NALF1: variants seen among roughly 807,000 people sequenced by gnomAD.
The protein encoded by NALF1 is NALCN channel auxiliary factor 1.
NALF1 carries 3 observed loss-of-function variants against 48.4 expected under a neutral mutation model. That is an observed-to-expected ratio of 0.06 (90% CI 0.03 to 0.16). NALF1 has a LOEUF of 0.16. Ranked by LOEUF, NALF1 falls within the 10% of genes least tolerant of loss-of-function variation. The pLI, the probability that NALF1 is intolerant of heterozygous loss-of-function variation, is 1.00. For synonymous variants in NALF1, 262 were observed against 245.7 expected, an observed-to-expected ratio of 1.07 and a Z score of -0.62; for missense variants, 526 against 571.5, an observed-to-expected ratio of 0.92 and a Z score of 0.81.
intron 1 of NALF1, among the ~76,000 whole-genome samples, chr13:107,575,162 A>ATAAATGGGTCATTTGG (rs777005951): frequency 9.4e-4 from 143 of 152,272 alleles, no homozygotes; most frequent in Non-Finnish European, 1.6e-3. Flanking sequence ...ACAGACTTAG[A>ATAAATGGGTCATTTGG]TAAATGGGTC....
chr13:107,457,676 A>G lies in NALF1; in HGVS notation c.916-246921T>C, dbSNP rs539743518. On this transcript the variant is annotated intron_variant, in intron 1 of 2. Transcript: ENST00000375915. Reference sequence around the variant, plus strand: ...TTTATTGATGAAGGCTAAATGGCCAATTGAAGACAAACACATGGAAATTAA... The same window carrying G: ...TTTATTGATGAAGGCTAAATGGCCAGTTGAAGACAAACACATGGAAATTAA... 1.3e-4 allele frequency among the ~76,000 whole-genome samples: 18 copies of G among 143,930 alleles called. No individual in the cohort carries two copies. In the East Asian group the frequency reaches 3.1e-3, roughly 25 times the overall value. The allele number at this position is 143,930 out of a possible 152,430, so 94.4% of individuals were successfully genotyped here.
At chr13:107,252,327 G>T (rs1029412126) in intron 1 of NALF1, among the ~76,000 whole-genome samples, 1 of 152,062 alleles carries the variant, frequency 6.6e-6, no homozygotes, top group Non-Finnish European at 1.5e-5. Context: ...AACGTGGAGA[G>T]TTGCTTCTCC....
At chr13:107,796,664 G>T (rs1039862054) in intron 1 of NALF1, among the ~76,000 whole-genome samples, 2 of 152,050 alleles carry the variant, frequency 1.3e-5, no homozygotes, top group Middle Eastern at 3.2e-3. Context: ...TATGCTGTTA[G>T]GGTGGTCCTT....
chr13:107,258,285 G>A (rs1162096384), intron 1 of NALF1, among the ~76,000 whole-genome samples: 1 of 152,038 alleles, frequency 6.6e-6, no homozygotes, highest in Non-Finnish European at 1.5e-5. Context: ...ATATTTTATT[G>A]TTAATTTTAG....
chr13:107,586,308 G>A (rs1348888563), intron 1 of NALF1, among the ~76,000 whole-genome samples: 3 of 152,108 alleles, frequency 2.0e-5, no homozygotes, highest in South Asian at 4.2e-4. Context: ...AGTAAAAGAC[G>A]AAAACACTGT....
chr13:107,271,809 TATATA>T (rs1566470769), intron 1 of NALF1, among the ~76,000 whole-genome samples: 3,719 of 42,820 alleles, frequency 0.087, 192 homozygotes, highest in East Asian at 0.3. Context: ...TATATATATA[TATATA>T]TATTTATATA....
intron 1 of NALF1, among the ~76,000 whole-genome samples, chr13:107,254,639 G>C (rs1314228605): frequency 6.6e-6 from 1 of 152,098 alleles, no homozygotes; most frequent in Non-Finnish European, 1.5e-5. Flanking sequence ...GCCTTGCCCT[G>C]GGTAAATAAA....
intron 1 of NALF1, among the ~76,000 whole-genome samples, chr13:107,396,105 A>T (rs1883707100): frequency 6.6e-6 from 1 of 152,074 alleles, no homozygotes; most frequent in East Asian, 1.9e-4. Flanking sequence ...CGAGCTCTTT[A>T]ATTGGGTGGC....
At chr13:107,185,071 G>T (rs75674346) in intron 2 of NALF1, among the ~76,000 whole-genome samples, 6,256 of 152,206 alleles carry the variant, frequency 0.041, 443 homozygotes, top group African/African-American at 0.14. Context: ...AGAGAAGGCC[G>T]TGTGACAGCA....
At chr13:107,349,205 A>G (rs1305484161) in intron 1 of NALF1, among the ~76,000 whole-genome samples, 1 of 152,202 alleles carries the variant, frequency 6.6e-6, no homozygotes, top group Non-Finnish European at 1.5e-5. Flanking sequence ...AAAGAGAAAA[A>G]TCGCTTCTTT....
intron 1 of NALF1, among the ~76,000 whole-genome samples, chr13:107,601,313 C>G (rs1878919407): frequency 1.3e-5 from 2 of 152,136 alleles, no homozygotes; most frequent in Non-Finnish European, 2.9e-5. Flanking sequence ...CACTTAAACG[C>G]AAATTTGGGA....
intron 1 of NALF1, among the ~76,000 whole-genome samples, chr13:107,831,966 G>GA (rs1170873784): frequency 6.6e-6 from 1 of 152,024 alleles, no homozygotes; most frequent in Admixed American, 6.6e-5. Flanking sequence ...ATTGTTTGAG[G>GA]AAAAAAATTT....
chr13:107,350,643 T>C (rs549983868), intron 1 of NALF1, among the ~76,000 whole-genome samples: 222 of 152,362 alleles, frequency 1.5e-3, no homozygotes, highest in African/African-American at 5.0e-3. Flanking sequence ...TATGTCTTCA[T>C]TGAGGTAGAA....
At chr13:107,473,159 C>T (rs184682538) in intron 1 of NALF1, among the ~76,000 whole-genome samples, 2 of 152,318 alleles carry the variant, frequency 1.3e-5, no homozygotes, top group Admixed American at 1.3e-4. Context: ...AATACCAATG[C>T]TTCCCTTGTG....
intron 1 of NALF1, among the ~76,000 whole-genome samples, chr13:107,576,918 T>C (rs924942314): frequency 2.0e-5 from 3 of 152,156 alleles, no homozygotes; most frequent in Non-Finnish European, 2.9e-5. Flanking sequence ...AGTGAGAAAA[T>C]AGGAGCCAGC....
At chr13:107,590,127 TAA>T (rs1166643474) in intron 1 of NALF1, among the ~76,000 whole-genome samples, 4 of 152,004 alleles carry the variant, frequency 2.6e-5, no homozygotes, top group Non-Finnish European at 4.4e-5. Flanking sequence ...ACCACCATCA[TAA>T]AGTTAGAAAA....
chr13:107,657,794 G>A (rs1018795367), intron 1 of NALF1, among the ~76,000 whole-genome samples: 4 of 152,086 alleles, frequency 2.6e-5, no homozygotes, highest in Admixed American at 1.3e-4. Flanking sequence ...AAATGTCAAC[G>A]CCAGGCATTA....
chr13:107,422,431 TAG>T (rs1400018723), intron 1 of NALF1, among the ~76,000 whole-genome samples: 3 of 152,106 alleles, frequency 2.0e-5, no homozygotes, highest in Non-Finnish European at 4.4e-5. Context: ...TTTCATAAAA[TAG>T]AGTTTAAAAA....
At chr13:107,705,268 T>C (rs1448909670) in intron 1 of NALF1, among the ~76,000 whole-genome samples, 1 of 152,170 alleles carries the variant, frequency 6.6e-6, no homozygotes, top group Non-Finnish European at 1.5e-5. Context: ...CTCACAAATG[T>C]GCAGTACAGA....
Sources: gnomAD v4.1 joint callset for allele counts (sites outside exome capture counted in the v4.1 genomes callset) on GRCh38, gnomAD v4.1.1 for gene constraint, MANE v1.5 for transcripts, NCBI Gene and HGNC (gene_info 2026-07-23, HGNC 2026-07-21) for gene names.